The following OLFM3 variants were observed in gnomAD, a reference collection of about 807,000 sequenced individuals.
OLFM3 encodes the protein noelin-3.
In OLFM3, 20 loss-of-function variants were observed where a neutral mutation model predicts 48.6. That is an observed-to-expected ratio of 0.41 (90% confidence interval 0.29 to 0.60). The LOEUF (loss-of-function observed/expected upper bound fraction) is 0.60, where lower values mean the gene tolerates loss of function less well. Among genes scored for constraint, OLFM3 ranks in the 20% least tolerant of loss-of-function variants. The pLI is 0.28. For missense variants in OLFM3, 437 were observed against 544.3 expected (o/e 0.80, Z 1.96); for synonymous variants, 222 against 198.1 (o/e 1.12, Z -1.01).
At chr1:101,983,682 A>G (rs1661160934) in intron 1 of OLFM3, among the ~76,000 whole-genome samples, 2 of 152,168 alleles carry the variant, frequency 1.3e-5, no homozygotes, top group Non-Finnish European at 2.9e-5. Context: ...TTCTTTAATA[A>G]TTTTCTTTAT....
At chr1:101,940,342 ATTT>A (rs34137812) in intron 1 of OLFM3, among the ~76,000 whole-genome samples, 1 of 135,304 alleles carries the variant, frequency 7.4e-6, no homozygotes, top group African/African-American at 2.8e-5. Context: ...GTTTTGGAAC[ATTT>A]TTTTTTTTTT....
At chr1:101,889,851 T>A (rs947101760) in intron 1 of OLFM3, among the ~76,000 whole-genome samples, 1 of 152,060 alleles carries the variant, frequency 6.6e-6, no homozygotes, top group African/African-American at 2.4e-5. Flanking sequence ...TTTTCTACTT[T>A]TAAATATCTT....
At chr1:101,910,460 C>A (rs570431710) in intron 1 of OLFM3, among the ~76,000 whole-genome samples, 1 of 142,024 alleles carries the variant, frequency 7.0e-6, no homozygotes, top group African/African-American at 2.7e-5. Flanking sequence ...AGCGAGACTC[C>A]GTCTCAACTG....
In OLFM3 at chr1:101,956,086, G is replaced by GTTTTT. The variant is rs71592232; in HGVS notation, c.69+40657_69+40661dup. Reference sequence around the variant, plus strand: ...ATATCTCAATTCAACACAATAACAGGTTTTTTTTTTTTTTTTTAAAAAAAA... The same window carrying GTTTTT: ...ATATCTCAATTCAACACAATAACAGGTTTTTTTTTTTTTTTTTTTTTTAAAAAAAA... On this transcript the variant is annotated intron_variant, in intron 1 of 5. Coordinates refer to ENST00000370103, the MANE Select transcript of OLFM3 (RefSeq NM_058170.4). 4.5e-3 allele frequency among the ~76,000 whole-genome samples: 469 copies of GTTTTT among 105,008 alleles called. 8 individuals carry two copies. Among genetic ancestry groups the GTTTTT allele is most frequent in the African/African-American group, 0.017 (440 of 25,498 alleles). The allele number at this position is 105,008 out of a possible 152,430, so 68.9% of individuals were successfully genotyped here. A position where few individuals can be genotyped will look rare whatever the true frequency, so the allele number is the denominator to read the frequency against.
intron 1 of OLFM3, among the ~76,000 whole-genome samples, chr1:101,852,119 C>A (rs903797199): frequency 6.6e-6 from 1 of 151,074 alleles, no homozygotes; most frequent in Admixed American, 6.6e-5. Context: ...TCATAAATAC[C>A]ACCATACTTT....
At chr1:101,977,449 G>A (rs1044699486) in intron 1 of OLFM3, among the ~76,000 whole-genome samples, 9 of 152,098 alleles carry the variant, frequency 5.9e-5, no homozygotes, top group Non-Finnish European at 1.3e-4. Flanking sequence ...GAACAAACTA[G>A]AATCACAGCA....
chr1:101,900,442 GA>G (rs1658352974), intron 1 of OLFM3, among the ~76,000 whole-genome samples: 1 of 152,082 alleles, frequency 6.6e-6, no homozygotes, highest in Non-Finnish European at 1.5e-5. Context: ...TGAAGCAATA[GA>G]GATATCAATC....
At chr1:101,829,084 T>A (rs1221237157) in intron 3 of OLFM3, among the ~76,000 whole-genome samples, 1 of 152,174 alleles carries the variant, frequency 6.6e-6, no homozygotes, top group Non-Finnish European at 1.5e-5. Flanking sequence ...GCCTGTTAGT[T>A]GTCTTTCATA....
chr1:101,933,927 T>A (rs1659534067), intron 1 of OLFM3, among the ~76,000 whole-genome samples: 1 of 152,244 alleles, frequency 6.6e-6, no homozygotes, highest in Non-Finnish European at 1.5e-5. Flanking sequence ...AGGGACTTCA[T>A]TAACACCTGA....
intron 4 of OLFM3, chr1:101,812,863 A>G (rs753082370): frequency 1.0e-6 from 1 of 994,010 alleles, no homozygotes; most frequent in African/African-American, 1.7e-5. Flanking sequence ...ACTCCAGTCA[A>G]TCATACCTTA....
chr1:101,921,691 A>C (rs1304957117), intron 1 of OLFM3, among the ~76,000 whole-genome samples: 1 of 152,238 alleles, frequency 6.6e-6, no homozygotes, highest in Non-Finnish European at 1.5e-5. Flanking sequence ...TAATAAATGC[A>C]TTAAAGGTGC....
intron 4 of OLFM3, among the ~76,000 whole-genome samples, chr1:101,822,129 T>TG (rs889508627): frequency 1.3e-5 from 2 of 151,976 alleles, no homozygotes; most frequent in East Asian, 1.9e-4. Context: ...AGGCTATATT[T>TG]GGGGGGTTAC....
intron 1 of OLFM3, among the ~76,000 whole-genome samples, chr1:101,935,975 A>AAGTTGTTAAGCAAGTCAG (rs1659602601): frequency 6.6e-6 from 1 of 152,122 alleles, no homozygotes; most frequent in African/African-American, 2.4e-5. Context: ...ACATGCCTCA[A>AAGTTGTTAAGCAAGTCAG]AATAATAAGA....
intron 4 of OLFM3, among the ~76,000 whole-genome samples, chr1:101,817,257 T>C (rs1386175322): frequency 6.6e-6 from 1 of 152,084 alleles, no homozygotes; most frequent in Non-Finnish European, 1.5e-5. Context: ...CCTGCAAAGG[T>C]GGATGGCAAA....
chr1:101,910,458 T>A (rs2101027709), intron 1 of OLFM3, among the ~76,000 whole-genome samples: 1 of 140,310 alleles, frequency 7.1e-6, no homozygotes, highest in East Asian at 2.1e-4. Context: ...AGAGCGAGAC[T>A]CCGTCTCAAC....
At chr1:101,909,710 A>G (rs1210901945) in intron 1 of OLFM3, among the ~76,000 whole-genome samples, 1 of 152,210 alleles carries the variant, frequency 6.6e-6, no homozygotes, top group Non-Finnish European at 1.5e-5. Context: ...ATATGTCTCA[A>G]TTATATTACA....
At chr1:101,840,782 C>A (rs998009896) in intron 1 of OLFM3, among the ~76,000 whole-genome samples, 1 of 152,052 alleles carries the variant, frequency 6.6e-6, no homozygotes, top group Non-Finnish European at 1.5e-5. Context: ...ATTTTAATAC[C>A]CTTTCATACA....
chr1:101,893,275 C>G (rs922569225), intron 1 of OLFM3: 2 of 354,692 alleles, frequency 5.6e-6, no homozygotes, highest in Non-Finnish European at 1.1e-5. Flanking sequence ...CAGTACAGTG[C>G]TGTCATAATT....
At chr1:101,818,340 T>A (rs945202591) in intron 4 of OLFM3, among the ~76,000 whole-genome samples, 21 of 152,098 alleles carry the variant, frequency 1.4e-4, no homozygotes, top group African/African-American at 4.8e-4. Flanking sequence ...AAATATATGA[T>A]AAAATTTACC....
Sources: gnomAD v4.1 joint callset for allele counts (sites outside exome capture counted in the v4.1 genomes callset) on GRCh38, gnomAD v4.1.1 for gene constraint, MANE v1.5 for transcripts, NCBI Gene and HGNC (gene_info 2026-07-23, HGNC 2026-07-21) for gene names.